The following ACSL6 variants were observed in gnomAD, a reference collection of about 807,000 sequenced individuals.
ACSL6 encodes the protein acyl-CoA synthetase long chain family member 6.
Under a neutral mutation model 98.2 loss-of-function variants are expected in ACSL6, and 47 were observed. The ratio of observed to expected loss-of-function variants is 0.48; its 90% CI spans 0.38 to 0.61. The LOEUF is 0.61. ACSL6 is among the 20% of genes least tolerant of loss of function. The pLI, the probability that ACSL6 is intolerant of heterozygous loss-of-function variation, is 0.00. For synonymous variants in ACSL6, 362 were observed against 336.9 expected, an observed-to-expected ratio of 1.07 and a Z score of -0.82; for missense variants, 761 against 913.4, an observed-to-expected ratio of 0.83 and a Z score of 2.15.
At chr5:131,991,583 T>A (rs1350092296) in intron 2 of ACSL6, among the ~76,000 whole-genome samples, 3 of 152,076 alleles carry the variant, frequency 2.0e-5, no homozygotes, top group African/African-American at 7.2e-5. Context: ...AGGCAGCAAG[T>A]TCCTGGGCCC....
At chr5:131,978,686 A>G (rs939176027) in intron 9 of ACSL6, among the ~76,000 whole-genome samples, 3 of 152,248 alleles carry the variant, frequency 2.0e-5, no homozygotes, top group Non-Finnish European at 2.9e-5. Flanking sequence ...CAGAAAAGGC[A>G]CAAGATGCCT....
At chr5:131,982,666 G>C (rs1034223371) in intron 9 of ACSL6, 42 of 152,438 alleles carry the variant, frequency 2.8e-4, no homozygotes, top group African/African-American at 1.0e-3. Context: ...AAAGCAGCGT[G>C]TTCTGTGCTA....
chr5:131,999,129 C>T (rs1040124665), intron 1 of ACSL6, among the ~76,000 whole-genome samples: 3 of 152,140 alleles, frequency 2.0e-5, no homozygotes, highest in Admixed American at 6.5e-5. Context: ...CCCTAGCAAA[C>T]GAGCTTGGGA....
chr5:131,974,903 C>G lies in ACSL6; in HGVS notation c.1058G>C (p.Arg353Thr). ...SFLPLAHMFE[R>T]VIQSVVYCHG... ...AGGTGGGTGTCTTACCTGGATTACT[C>G]TCTCAAACATGTGAGCCAGAGGCAG... Residue 353 changes from arginine to threonine, a missense_variant, in exon 11 of 21, where the codon AGA (arginine) becomes ACA (threonine). Physicochemically the swap from Arg to Thr is moderately conservative, Grantham distance 71 (BLOSUM62 -1). Coordinates refer to ENST00000651883, the MANE Select transcript of ACSL6 (RefSeq NM_001009185.3). The G allele has an allele frequency of 6.2e-7, 1 of 1,614,184 alleles. No individual in the cohort carries two copies. The highest frequency in any genetic ancestry group is 8.5e-7 in the Non-Finnish European group (1 of 1,180,034).
intron 6 of ACSL6, 63 bp from the exon 7 acceptor site, chr5:131,988,289 G>GTGCCAGGCAGCACA: frequency 6.3e-7 from 1 of 1,575,078 alleles, no homozygotes; most frequent in South Asian, 1.2e-5. Context: ...CAGGCAGCAT[G>GTGCCAGGCAGCACA]TGCCAGGCAG....
intron 1 of ACSL6, among the ~76,000 whole-genome samples, chr5:132,010,711 T>C (rs1257497589): frequency 2.6e-5 from 4 of 152,088 alleles, no homozygotes; most frequent in African/African-American, 9.7e-5. Context: ...GTGGAGATCC[T>C]TTAGTGGTAT....
chr5:131,954,030 C>T lies in ACSL6; in HGVS notation c.*204G>A, dbSNP rs1752273893. 1 of 393,152 alleles carries T rather than the reference C, an allele frequency of 2.5e-6. No individual in the cohort carries two copies. The highest frequency in any genetic ancestry group is 4.3e-6 in the Non-Finnish European group (1 of 231,564). 24.4% of individuals were successfully genotyped at this position (393,152 alleles called of 1,614,324 possible). A position where few individuals can be genotyped will look rare whatever the true frequency, so the allele number is the denominator to read the frequency against. The stretch of plus-strand genomic sequence containing the variant: ...TTGTGATATTTTTAGCAGTCCACCA[C>T]AATATCATTTTTATAATAAAAATAA... On this transcript the variant is annotated 3_prime_UTR_variant, in exon 21 of 21. Coordinates refer to ENST00000651883, the MANE Select transcript of ACSL6 (RefSeq NM_001009185.3).
chr5:132,010,472 G>C (rs773322164), intron 1 of ACSL6, among the ~76,000 whole-genome samples: 1 of 152,194 alleles, frequency 6.6e-6, no homozygotes, highest in Admixed American at 6.5e-5. Flanking sequence ...TAAATAACAC[G>C]TACAAAGCCT....
At chr5:131,969,852 C>G (rs774210935) in intron 15 of ACSL6, among the ~76,000 whole-genome samples, 1 of 152,162 alleles carries the variant, frequency 6.6e-6, no homozygotes, top group Non-Finnish European at 1.5e-5. Flanking sequence ...CAAGGGAAAG[C>G]AGGGCTGTAG....
intron 10 of ACSL6, 60 bp downstream of exon 10, chr5:131,976,588 C>A (rs958108466): frequency 4.3e-5 from 59 of 1,371,636 alleles, no homozygotes; most frequent in Non-Finnish European, 5.8e-5. Flanking sequence ...AAAAAAAAAT[C>A]CTCTGAGGCT....
At chr5:131,991,245 A>T (rs569251276) in intron 2 of ACSL6, among the ~76,000 whole-genome samples, 1 of 152,204 alleles carries the variant, frequency 6.6e-6, no homozygotes, top group Non-Finnish European at 1.5e-5. Flanking sequence ...TACAGCATTC[A>T]CACAGCAGGT....
At chr5:131,975,146 G>C in intron 10 of ACSL6, 176 bp from the exon 11 acceptor site, 1 of 1,403,856 alleles carries the variant, frequency 7.1e-7, no homozygotes, top group Non-Finnish European at 9.3e-7. Flanking sequence ...AGAAATGAGA[G>C]AGAGAGGGAG....
intron 7 of ACSL6, among the ~76,000 whole-genome samples, chr5:131,987,300 AC>A (rs1754249265): frequency 6.6e-6 from 1 of 152,236 alleles, no homozygotes. Flanking sequence ...TGCTCTTGGC[AC>A]GGCTGGGCAC....
chr5:131,954,966 G>A (rs1182768637), intron 20 of ACSL6, among the ~76,000 whole-genome samples: 2 of 152,190 alleles, frequency 1.3e-5, no homozygotes, highest in Non-Finnish European at 2.9e-5. Flanking sequence ...GGCAAAGAGT[G>A]TGAGGGATGA....
intron 16 of ACSL6, among the ~76,000 whole-genome samples, chr5:131,967,238 T>C (rs1753058101): frequency 6.6e-6 from 1 of 152,236 alleles, no homozygotes; most frequent in Middle Eastern, 3.4e-3. Flanking sequence ...TCCTAGCTAC[T>C]TGAGAGGCTG....
intron 5 of ACSL6, 26 bp from the exon 6 acceptor site, chr5:131,988,930 G>A: frequency 6.3e-7 from 1 of 1,595,064 alleles, no homozygotes; most frequent in Non-Finnish European, 8.6e-7. Context: ...AGGCGGGGGT[G>A]GGGAAGAAGG....
At chr5:131,956,572 C>T (rs911579960) in intron 20 of ACSL6, among the ~76,000 whole-genome samples, 6 of 152,144 alleles carry the variant, frequency 3.9e-5, no homozygotes, top group Non-Finnish European at 7.3e-5. Context: ...TATTTAAATG[C>T]TTCTATGAAA....
Position 131,954,086 on chromosome 5 carries a change from G to T in ACSL6, c.*148C>A. ...ACTCATTGATGATAGAGAAAATATTGTTAAAGACCTCTTGGGACAGGAAAA... is the reference window on the plus strand; with the variant it reads ...ACTCATTGATGATAGAGAAAATATTTTTAAAGACCTCTTGGGACAGGAAAA... On this transcript the variant is annotated 3_prime_UTR_variant, in exon 21 of 21. Coordinates refer to ENST00000651883, the MANE Select transcript of ACSL6 (RefSeq NM_001009185.3). The T allele has an allele frequency of 1.5e-6, 1 of 664,416 alleles. No homozygotes were observed. The highest frequency in any genetic ancestry group is 2.2e-6 in the Non-Finnish European group (1 of 451,594). The allele number at this position is 664,416 out of a possible 1,614,324, so 41.2% of individuals were successfully genotyped here.
chr5:132,009,373 G>A (rs1220766278), intron 1 of ACSL6, among the ~76,000 whole-genome samples: 2 of 152,212 alleles, frequency 1.3e-5, no homozygotes, highest in Non-Finnish European at 2.9e-5. Flanking sequence ...GCTGCCGTGG[G>A]ACCATGGGAC....
Sources: allele counts gnomAD v4.1 joint callset (sites outside exome capture counted in the v4.1 genomes callset), GRCh38; gene constraint gnomAD v4.1.1; transcripts MANE v1.5; gene names NCBI Gene and HGNC (gene_info 2026-07-23, HGNC 2026-07-21).